Variants in ADAMTSL1 observed in about 807,000 individuals in gnomAD.
The protein encoded by ADAMTSL1 is ADAMTS like 1.
Under a neutral mutation model 201.8 loss-of-function variants are expected in ADAMTSL1, and 126 were observed. The observed-to-expected ratio is 0.62, with a 90% CI of 0.54 to 0.72. The LOEUF (loss-of-function observed/expected upper bound fraction) is 0.72. Ranked by LOEUF, ADAMTSL1 falls within the 30% of genes least tolerant of loss-of-function variation. The pLI is 0.00. For synonymous variants in ADAMTSL1, 1,121 were observed against 903.4 expected, an observed-to-expected ratio of 1.24 and a Z score of -4.32; for missense variants, 2,679 against 2,277.8, an observed-to-expected ratio of 1.18 and a Z score of -3.59.
At chr9:18,384,571 C>A (rs1397666929) in intron 2 of ADAMTSL1, among the ~76,000 whole-genome samples, 2 of 152,164 alleles carry the variant, frequency 1.3e-5, no homozygotes, top group Non-Finnish European at 2.9e-5. Flanking sequence ...AAAACACCCT[C>A]ATAGGCATCA....
chr9:18,609,788 T>C (rs1178001627), intron 4 of ADAMTSL1, among the ~76,000 whole-genome samples: 1 of 152,040 alleles, frequency 6.6e-6, no homozygotes, highest in Non-Finnish European at 1.5e-5. Context: ...GAAAATAGAG[T>C]TGTCTCAGAA....
intron 18 of ADAMTSL1, among the ~76,000 whole-genome samples, 196 bp downstream of exon 18, chr9:18,776,092 C>A (rs1165137280): frequency 6.6e-6 from 1 of 152,192 alleles, no homozygotes; most frequent in African/African-American, 2.4e-5. Flanking sequence ...AGGCTAAATT[C>A]TCCTCTCCAC....
chr9:18,139,402 T>G (rs1212443301), intron 1 of ADAMTSL1, among the ~76,000 whole-genome samples: 1 of 152,146 alleles, frequency 6.6e-6, no homozygotes, highest in Non-Finnish European at 1.5e-5. Flanking sequence ...TGTCTTCATT[T>G]GTGATGAATG....
chr9:18,129,092 T>C (rs1224677839), intron 1 of ADAMTSL1, among the ~76,000 whole-genome samples: 6 of 152,224 alleles, frequency 3.9e-5, no homozygotes, highest in African/African-American at 1.4e-4. Context: ...GTATAATCTG[T>C]TTTATATCTA....
In ADAMTSL1 at chr9:18,777,175, G is replaced by A. The variant is rs1821078753; in HGVS notation, c.2946G>A (p.Ala982=). 1.2e-6 allele frequency: 2 copies of A among 1,612,878 alleles called. No individual in the cohort carries two copies. Among genetic ancestry groups the A allele is most frequent in the Middle Eastern group, 1.6e-4 (1 of 6,062 alleles). ...CGAGAAGTGAGGAAGAGGTGCTTGC[G>A]GGGAGGAAGGGCGGCCCGAAGGAGG... is the stretch of plus-strand genomic sequence containing the variant. ...LSPRSEEEVL[A]GRKGGPKEAL... Residue 982 remains alanine (A), a synonymous_variant, in exon 19 of 29, where the codon GCG becomes GCA. Transcript: ENST00000380548.
intron 2 of ADAMTSL1, among the ~76,000 whole-genome samples, chr9:18,250,756 G>A (rs187715842): frequency 0.016 from 2,368 of 152,104 alleles, 32 homozygotes; most frequent in Non-Finnish European, 0.025. Flanking sequence ...ATACAGTGGC[G>A]GTTTTCCACA....
intron 2 of ADAMTSL1, among the ~76,000 whole-genome samples, chr9:18,206,726 A>T (rs940263433): frequency 2.0e-5 from 3 of 152,124 alleles, no homozygotes; most frequent in South Asian, 2.1e-4. Flanking sequence ...TTCCTTATAA[A>T]CAGAAGTCAT....
At chr9:18,511,845 T>C (rs1818042316) in intron 2 of ADAMTSL1, among the ~76,000 whole-genome samples, 1 of 152,168 alleles carries the variant, frequency 6.6e-6, no homozygotes, top group Non-Finnish European at 1.5e-5. Context: ...AAACAAATGT[T>C]TGTTTTTTTC....
intron 2 of ADAMTSL1, among the ~76,000 whole-genome samples, chr9:18,170,932 C>A (rs1000431784): frequency 6.6e-6 from 1 of 152,020 alleles, no homozygotes; most frequent in African/African-American, 2.4e-5. Context: ...TTATCAATAT[C>A]CCTCAGGATA....
At chr9:18,091,109 A>T (rs948864101) in intron 1 of ADAMTSL1, among the ~76,000 whole-genome samples, 1 of 151,564 alleles carries the variant, frequency 6.6e-6, no homozygotes, top group African/African-American at 2.4e-5. Context: ...CTAACTTCAA[A>T]TCAGCCAATT....
At chr9:18,390,039 T>A (rs911573577) in intron 2 of ADAMTSL1, among the ~76,000 whole-genome samples, 2 of 152,206 alleles carry the variant, frequency 1.3e-5, no homozygotes, top group South Asian at 4.1e-4. Context: ...GAGTATTTGA[T>A]GAAATTTGGG....
chr9:18,663,531 T>C (rs1320502270), intron 9 of ADAMTSL1, among the ~76,000 whole-genome samples: 1 of 152,148 alleles, frequency 6.6e-6, no homozygotes, highest in African/African-American at 2.4e-5. Context: ...TCTACTTATA[T>C]ATTTTTATGC....
chr9:18,550,041 C>G (rs1820706519), intron 3 of ADAMTSL1, among the ~76,000 whole-genome samples: 2 of 151,924 alleles, frequency 1.3e-5, no homozygotes. Context: ...CAGATGACAG[C>G]TGCTCTGGAA....
intron 2 of ADAMTSL1, among the ~76,000 whole-genome samples, chr9:18,179,714 C>A (rs1413174441): frequency 7.2e-5 from 11 of 152,118 alleles, no homozygotes; most frequent in African/African-American, 2.7e-4. Context: ...GAGTGGGGAC[C>A]AATATTCAAC....
chr9:18,437,157 C>G (rs945654225), intron 2 of ADAMTSL1, among the ~76,000 whole-genome samples: 1 of 151,964 alleles, frequency 6.6e-6, no homozygotes, highest in African/African-American at 2.4e-5. Context: ...ACTGAACTCA[C>G]TATCTCCACT....
chr9:18,820,224 C>T (rs1289319574), intron 21 of ADAMTSL1, among the ~76,000 whole-genome samples: 3 of 151,764 alleles, frequency 2.0e-5, no homozygotes, highest in Non-Finnish European at 2.9e-5. Context: ...AGTATTTAAT[C>T]CAGGTTAGAT....
chr9:18,667,817 C>G (rs987211281), intron 9 of ADAMTSL1, among the ~76,000 whole-genome samples: 1 of 152,134 alleles, frequency 6.6e-6, no homozygotes, highest in African/African-American at 2.4e-5. Context: ...AGATGGTTCT[C>G]TGTTTGTTGT....
At position 18,889,702 on chromosome 9, in the gene ADAMTSL1, C is replaced by G; in HGVS notation, c.4597C>G (p.Pro1533Ala). 1 of 1,579,666 alleles carries G rather than the reference C, an allele frequency of 6.3e-7. No individual in the cohort carries two copies. Among genetic ancestry groups the G allele is most frequent in the Non-Finnish European group, 8.6e-7 (1 of 1,162,054 alleles). ...TGCCCACTGCGCAGGGAAGGTTCGC[C>G]CTGCGGTGCAGCCCATCGCGTGCAA... Reference protein sequence around the residue: ...NPAHCAGKVRPAVQPIACNRR... With the variant: ...NPAHCAGKVRAAVQPIACNRR... The change falls in exon 25 of 29, where the codon CCT becomes GCT. Residue 1533 changes from proline to alanine, a missense_variant. Physicochemically the swap from Pro to Ala is conservative, Grantham distance 27. Transcript: ENST00000380548.
chr9:18,140,771 A>T (rs1331085), intron 1 of ADAMTSL1, among the ~76,000 whole-genome samples: 42,546 of 152,092 alleles, frequency 0.28, 6,158 homozygotes, highest in Admixed American at 0.39. Context: ...AAAGGATAGC[A>T]GTCTCTGGCC....
Sources: allele counts gnomAD v4.1 joint callset (sites outside exome capture counted in the v4.1 genomes callset), GRCh38; gene constraint gnomAD v4.1.1; transcripts MANE v1.5; gene names NCBI Gene and HGNC (gene_info 2026-07-23, HGNC 2026-07-21).